NWD2: variants seen among roughly 807,000 people sequenced by gnomAD.
The protein encoded by NWD2 is NACHT and WD repeat domain-containing protein 2.
Under a neutral mutation model 132.7 loss-of-function variants are expected in NWD2, and 37 were observed. That is an observed-to-expected ratio of 0.28 (90% CI 0.21 to 0.37). The LOEUF (loss-of-function observed/expected upper bound fraction) is 0.37, where lower values mean the gene tolerates loss of function less well. Ranked by LOEUF, NWD2 falls within the 10% of genes least tolerant of loss-of-function variation. The pLI, the probability that NWD2 is intolerant of heterozygous loss-of-function variation, is 1.00. For missense variants in NWD2, 1,592 were observed against 2,122.4 expected, an observed-to-expected ratio of 0.75 and a Z score of 4.91; for synonymous variants, 705 against 803.0, an observed-to-expected ratio of 0.88 and a Z score of 2.06.
intron 3 of NWD2, among the ~76,000 whole-genome samples, chr4:37,429,376 G>A (rs759701445): frequency 6.6e-6 from 1 of 151,986 alleles, no homozygotes; most frequent in Admixed American, 6.5e-5. Context: ...GTGCAGTGGC[G>A]CAATCTTGGC....
chr4:37,316,957 C>T (rs1253782810), intron 1 of NWD2, among the ~76,000 whole-genome samples: 1 of 151,958 alleles, frequency 6.6e-6, no homozygotes, highest in Non-Finnish European at 1.5e-5. Flanking sequence ...AAATCTATTC[C>T]CCACAATATG....
intron 2 of NWD2, among the ~76,000 whole-genome samples, chr4:37,346,161 A>G (rs1441105254): frequency 2.0e-5 from 3 of 151,134 alleles, no homozygotes; most frequent in South Asian, 2.1e-4. Flanking sequence ...ATTTATGCCT[A>G]TGATCTCTGT....
chr4:37,433,286 C>T (rs1267061191), intron 4 of NWD2, among the ~76,000 whole-genome samples: 1 of 152,150 alleles, frequency 6.6e-6, no homozygotes, highest in Non-Finnish European at 1.5e-5. Context: ...TCATATGTTA[C>T]TATTTAATTT....
At chr4:37,441,150 T>C (rs1329834039) in intron 6 of NWD2, among the ~76,000 whole-genome samples, 1 of 152,130 alleles carries the variant, frequency 6.6e-6, no homozygotes, top group Non-Finnish European at 1.5e-5. Context: ...CCCAGCTGGG[T>C]TTTCTGCTTA....
In NWD2 at chr4:37,439,321, C is replaced by G; in HGVS notation, c.1227C>G (p.Ile409Met). The G allele has an allele frequency of 3.9e-6, 6 of 1,547,126 alleles. No homozygotes were observed. Among genetic ancestry groups the G allele is most frequent in the Non-Finnish European group, 5.2e-6 (6 of 1,145,508 alleles). The change falls in exon 6 of 7, where the codon ATC becomes ATG. Residue 409 changes from isoleucine (I) to methionine (M), a missense_variant. Around this residue, in one of 7 missense-constraint regions of NWD2, gnomAD observed 1,071 missense variants for 1,398.0 expected, o/e 0.77. Coordinates refer to ENST00000309447, the MANE Select transcript of NWD2 (RefSeq NM_001144990.2). This position sits in a 1 kb window ranked among gnomAD's most constrained non-coding sequence, Gnocchi z 4.5. Reference protein sequence around the residue: ...NYILPSKAGHINPLIIYGGPC... With the variant: ...NYILPSKAGHMNPLIIYGGPC... ...TTCTTCCAAGCAAAGCTGGACACAT[C>G]AACCCTCTTATTATATATGGTGGGC...
intron 2 of NWD2, among the ~76,000 whole-genome samples, chr4:37,344,693 A>G (rs545012203): frequency 6.6e-6 from 1 of 152,238 alleles, no homozygotes; most frequent in South Asian, 2.1e-4. Context: ...GTATGGTATT[A>G]TTTTTTAAAT....
intron 1 of NWD2, among the ~76,000 whole-genome samples, chr4:37,254,097 G>A (rs1717455686): frequency 6.6e-6 from 1 of 152,080 alleles, no homozygotes; most frequent in African/African-American, 2.4e-5. Context: ...ATAACTAATG[G>A]GTAGTATGCT....
At chr4:37,391,778 C>G (rs960460149) in intron 3 of NWD2, among the ~76,000 whole-genome samples, 1 of 152,200 alleles carries the variant, frequency 6.6e-6, no homozygotes, top group Admixed American at 6.5e-5. Flanking sequence ...CCCATCGGCC[C>G]CCACAAGTCC....
At position 37,447,152 on chromosome 4, in the gene NWD2, T is replaced by C. The variant is rs755872423; in HGVS notation, c.5164T>C (p.Ser1722Pro). The change falls in exon 7 of 7, where the codon TCT becomes CCT. Residue 1722 changes from serine (S) to proline (P), a missense_variant. This residue lies in a region of NWD2 where 257 missense variants were observed against 335.0 expected (regional missense o/e 0.77). Transcript: ENST00000309447. ...AGCAACACCCTCCAAGAAACACAACTCTTGTTATGAGCGGGTATGCTCGGC... is the reference window on the plus strand; with the variant it reads ...AGCAACACCCTCCAAGAAACACAACCCTTGTTATGAGCGGGTATGCTCGGC... ...NEATPSKKHN[S>P]CYERVCSALE... 8 of 1,551,170 alleles carry C rather than the reference T, an allele frequency of 5.2e-6. 1 individual carries two copies.
At chr4:37,349,325 C>T (rs1189377073) in intron 2 of NWD2, among the ~76,000 whole-genome samples, 1 of 152,126 alleles carries the variant, frequency 6.6e-6, no homozygotes, top group Non-Finnish European at 1.5e-5. Context: ...CTGACTTTTC[C>T]ACATCCTCTC....
At chr4:37,404,360 A>G (rs571054447) in intron 3 of NWD2, among the ~76,000 whole-genome samples, 2 of 152,292 alleles carry the variant, frequency 1.3e-5, no homozygotes, top group South Asian at 4.2e-4. Flanking sequence ...AACTATGAGC[A>G]TTTGCCTAGC....
intron 3 of NWD2, among the ~76,000 whole-genome samples, chr4:37,414,108 C>T (rs911261769): frequency 6.6e-6 from 1 of 151,376 alleles, no homozygotes; most frequent in African/African-American, 2.4e-5. Flanking sequence ...TATCCTAGAA[C>T]ATAAAGTATA....
chr4:37,405,311 A>T (rs11736182), intron 3 of NWD2, among the ~76,000 whole-genome samples: 23,401 of 152,114 alleles, frequency 0.15, 2,401 homozygotes, highest in Non-Finnish European at 0.23. Context: ...GTAAGGGAAG[A>T]GGTTTTCTTG....
chr4:37,328,592 G>A (rs1382583280), intron 2 of NWD2, among the ~76,000 whole-genome samples: 1 of 152,084 alleles, frequency 6.6e-6, no homozygotes, highest in Non-Finnish European at 1.5e-5. Context: ...TTTTATGGCT[G>A]CATAGTATTC....
rs939481858 is a variant in NWD2 at position 37,439,410 on chromosome 4, C to T, written c.1296+20C>T. On this transcript the variant is annotated intron_variant, in intron 6 of 6. Coordinates refer to ENST00000309447, the MANE Select transcript of NWD2 (RefSeq NM_001144990.2). The surrounding 1 kb of genome is among the most constrained non-coding windows in gnomAD (Gnocchi z 4.5). ...AAGAAGGTAAAAGCCTATTCTTTCC[C>T]GTGTATATTTGTAAAAACTTGTACT... is the stretch of plus-strand genomic sequence containing the variant. 5.3e-5 allele frequency: 72 copies of T among 1,370,580 alleles called. 1 individual carries two copies. Among genetic ancestry groups the T allele is most frequent in the African/African-American group, 3.5e-4 (24 of 68,180 alleles). The allele number at this position is 1,370,580 out of a possible 1,614,324, so 84.9% of individuals were successfully genotyped here. A position where few individuals can be genotyped will look rare whatever the true frequency, so the allele number is the denominator to read the frequency against.
In NWD2 at chr4:37,446,303, T is replaced by C. The variant is rs1005766567; in HGVS notation, c.4315T>C (p.Leu1439=). 7.1e-6 allele frequency: 11 copies of C among 1,551,748 alleles called. No individual in the cohort carries two copies. The highest frequency in any genetic ancestry group is 9.6e-6 in the Non-Finnish European group (11 of 1,147,038). Residue 1439 remains leucine (L), a synonymous_variant, in exon 7 of 7, where the codon TTG becomes CTG. Transcript: ENST00000309447. This position sits in a 1 kb window ranked among gnomAD's most constrained non-coding sequence, Gnocchi z 6.7. The part of the protein sequence containing the change: ...GHRVCNILTT[L]QNAFITSANT... Reference sequence around the variant, plus strand: ...CAGGGTCTGCAACATTCTGACCACTTTGCAGAATGCCTTTATTACCTCCGC... The same window carrying C: ...CAGGGTCTGCAACATTCTGACCACTCTGCAGAATGCCTTTATTACCTCCGC...
chr4:37,316,826 A>G (rs1443640572), intron 1 of NWD2, among the ~76,000 whole-genome samples: 1 of 152,170 alleles, frequency 6.6e-6, no homozygotes, highest in Non-Finnish European at 1.5e-5. Context: ...TATTTCTTAA[A>G]CATTGGATAT....
At chr4:37,437,575 C>G (rs1712355151) in intron 5 of NWD2, among the ~76,000 whole-genome samples, 1 of 152,088 alleles carries the variant, frequency 6.6e-6, no homozygotes, top group African/African-American at 2.4e-5. Context: ...GTCATCGTGC[C>G]TGGAATATAA....
At chr4:37,418,361 T>G (rs1272833217) in intron 3 of NWD2, among the ~76,000 whole-genome samples, 1 of 152,158 alleles carries the variant, frequency 6.6e-6, no homozygotes, top group Non-Finnish European at 1.5e-5. Context: ...TGCAGAATAA[T>G]TTCAAATTAT....
Sources: gnomAD v4.1 joint callset for allele counts (sites outside exome capture counted in the v4.1 genomes callset) on GRCh38, gnomAD v4.1.1 for gene constraint, gnomAD v4.1.1 regional missense constraint, Gnocchi (gnomAD v3.1) non-coding constraint, MANE v1.5 for transcripts, NCBI Gene and HGNC (gene_info 2026-07-23, HGNC 2026-07-21) for gene names.